Variants in CTNNA2 observed in about 807,000 individuals in gnomAD.
CTNNA2 encodes catenin alpha 2, also known as catenin alpha-2.
In CTNNA2, 42 loss-of-function variants were observed where a neutral mutation model predicts 101.0. The observed-to-expected ratio is 0.42, with a 90% CI of 0.32 to 0.54. CTNNA2 has a LOEUF of 0.54. Ranked by LOEUF, CTNNA2 falls within the 20% of genes least tolerant of loss-of-function variation. The probability of loss-of-function intolerance (pLI) is 0.14; values close to 1 mark genes in which losing one functional copy is unlikely to be tolerated. For missense variants in CTNNA2, 871 were observed against 1,223.1 expected (o/e 0.71, Z 4.29); for synonymous variants, 450 against 456.4 (o/e 0.99, Z 0.18).
chr2:79,413,650 T>C (rs1228857414), intron 4 of CTNNA2, among the ~76,000 whole-genome samples: 1 of 152,064 alleles, frequency 6.6e-6, no homozygotes, highest in East Asian at 1.9e-4. Flanking sequence ...CTGTTTAACA[T>C]AATGATTATA....
At chr2:80,325,646 C>T (rs890323951) in intron 7 of CTNNA2, among the ~76,000 whole-genome samples, 5 of 152,168 alleles carry the variant, frequency 3.3e-5, no homozygotes, top group African/African-American at 1.2e-4. Flanking sequence ...TTTCCCTTCA[C>T]TGGCAAAGAA....
chr2:79,461,853 T>A (rs1228751328), intron 4 of CTNNA2, among the ~76,000 whole-genome samples: 4 of 151,926 alleles, frequency 2.6e-5, no homozygotes, highest in Non-Finnish European at 5.9e-5. Context: ...GAGAATAAAT[T>A]GTCACTTCAG....
intron 2 of CTNNA2, among the ~76,000 whole-genome samples, chr2:79,211,584 A>T (rs1674174271): frequency 6.6e-6 from 1 of 152,158 alleles, no homozygotes; most frequent in Admixed American, 6.5e-5. Flanking sequence ...TTGAGTCAGG[A>T]TGAGCCAGGA....
intron 1 of CTNNA2, among the ~76,000 whole-genome samples, chr2:79,191,834 A>G (rs989412966): frequency 6.6e-6 from 1 of 152,190 alleles, no homozygotes; most frequent in Non-Finnish European, 1.5e-5. Context: ...TACCAAGTTC[A>G]TTTTGGGGTA....
At chr2:79,638,989 C>A (rs2104406881) in intron 1 of CTNNA2, among the ~76,000 whole-genome samples, 1 of 152,252 alleles carries the variant, frequency 6.6e-6, no homozygotes, top group Non-Finnish European at 1.5e-5. Context: ...TTTTTTCTGG[C>A]AGCAATTCAA....
chr2:80,073,866 A>G (rs1044492170), intron 7 of CTNNA2, among the ~76,000 whole-genome samples: 1 of 152,114 alleles, frequency 6.6e-6, no homozygotes, highest in East Asian at 1.9e-4. Flanking sequence ...CTTCTGAAAC[A>G]TTCTTTTTTA....
intron 1 of CTNNA2, among the ~76,000 whole-genome samples, chr2:79,518,293 T>G (rs1039671537): frequency 1.3e-5 from 2 of 152,134 alleles, no homozygotes; most frequent in African/African-American, 4.8e-5. Context: ...GGAGATACAT[T>G]AAATAAGATC....
intron 4 of CTNNA2, among the ~76,000 whole-genome samples, chr2:79,453,954 T>A (rs748498357): frequency 3.3e-5 from 5 of 152,172 alleles, no homozygotes; most frequent in Admixed American, 3.3e-4. Flanking sequence ...TAAAGACTTC[T>A]GGTGCTAAAA....
chr2:79,779,526 A>T (rs1674262841), intron 3 of CTNNA2, among the ~76,000 whole-genome samples: 1 of 152,106 alleles, frequency 6.6e-6, no homozygotes, highest in African/African-American at 2.4e-5. Flanking sequence ...ATTAACTCTG[A>T]CCTCTGTGCT....
Position 80,260,058 on chromosome 2 carries a change from A to G in CTNNA2, c.1057-133153A>G, listed in dbSNP as rs144432341. ...TCTCTTTTAATCGTCACAGTAATCC[A>G]ATGAGCTTGGTACCATTATTACTCC... On this transcript the variant is annotated intron_variant, in intron 7 of 18. Transcript: ENST00000402739. Among the ~76,000 whole-genome samples, 17 of 152,318 alleles carry G rather than the reference A, an allele frequency of 1.1e-4. No homozygotes were observed. In the East Asian group the frequency reaches 3.3e-3, roughly 29 times the overall value.
intron 2 of CTNNA2, among the ~76,000 whole-genome samples, chr2:79,725,896 C>A (rs560678440): frequency 6.6e-6 from 1 of 152,264 alleles, no homozygotes; most frequent in Admixed American, 6.5e-5. Flanking sequence ...TGATGAGAGT[C>A]CACTGATCTT....
intron 7 of CTNNA2, among the ~76,000 whole-genome samples, chr2:80,309,876 A>G (rs1677383404): frequency 6.6e-6 from 1 of 151,716 alleles, no homozygotes; most frequent in Admixed American, 6.6e-5. Context: ...TCTCAAAAAA[A>G]AAAAAATGTA....
intron 2 of CTNNA2, among the ~76,000 whole-genome samples, chr2:79,742,691 G>A (rs1306824986): frequency 2.6e-5 from 4 of 152,096 alleles, no homozygotes; most frequent in Non-Finnish European, 5.9e-5. Context: ...AGATTACAAC[G>A]TGTTCCTCAT....
intron 4 of CTNNA2, among the ~76,000 whole-genome samples, chr2:79,445,151 GATAC>G (rs1678819399): frequency 6.6e-6 from 1 of 152,054 alleles, no homozygotes; most frequent in Admixed American, 6.6e-5. Flanking sequence ...ATTATTTTTT[GATAC>G]ATTTTTTTCC....
chr2:79,604,736 G>GA (rs1326239295), intron 1 of CTNNA2, among the ~76,000 whole-genome samples: 1 of 152,174 alleles, frequency 6.6e-6, no homozygotes, highest in Non-Finnish European at 1.5e-5. Flanking sequence ...AGCAAGACTG[G>GA]AAAATCTCAT....
At chr2:80,068,581 C>T (rs1698125901) in intron 7 of CTNNA2, among the ~76,000 whole-genome samples, 1 of 152,130 alleles carries the variant, frequency 6.6e-6, no homozygotes, top group Non-Finnish European at 1.5e-5. Flanking sequence ...ATGCTGAAAG[C>T]CCAAGTATGT....
intron 1 of CTNNA2, among the ~76,000 whole-genome samples, chr2:79,629,819 T>A (rs551803364): frequency 6.6e-6 from 1 of 152,322 alleles, no homozygotes; most frequent in Non-Finnish European, 1.5e-5. Flanking sequence ...TCTTGGCATC[T>A]TTGTGCCTTG....
chr2:80,493,513 G>A (rs1470469377), intron 9 of CTNNA2, among the ~76,000 whole-genome samples: 1 of 152,116 alleles, frequency 6.6e-6, no homozygotes, highest in African/African-American at 2.4e-5. Context: ...CCAGCCAATG[G>A]GCTTGGAAGA....
intron 7 of CTNNA2, among the ~76,000 whole-genome samples, chr2:80,201,350 A>G (rs1707193134): frequency 6.7e-6 from 1 of 150,022 alleles, no homozygotes; most frequent in African/African-American, 2.5e-5. Flanking sequence ...TCGTATCCAC[A>G]ATATTTCTTT....
Sources: gnomAD v4.1 joint callset for allele counts (sites outside exome capture counted in the v4.1 genomes callset) on GRCh38, gnomAD v4.1.1 for gene constraint, MANE v1.5 for transcripts, NCBI Gene and HGNC (gene_info 2026-07-23, HGNC 2026-07-21) for gene names.